The following NLE1 variants were observed in gnomAD, a reference collection of about 807,000 sequenced individuals.
NLE1 encodes notchless homolog 1.
Under a neutral mutation model 62.8 loss-of-function variants are expected in NLE1, and 37 were observed. The ratio of observed to expected loss-of-function variants is 0.59; its 90% CI spans 0.45 to 0.78. The LOEUF is 0.78. NLE1 is among the 30% of genes least tolerant of loss of function. NLE1 has a pLI of 0.00. For missense variants in NLE1, 555 were observed against 637.9 expected (o/e 0.87, Z 1.40); for synonymous variants, 243 against 253.0 (o/e 0.96, Z 0.37).
chr17:35,129,699 G>A lies in NLE1; in HGVS notation c.*2738C>T, dbSNP rs1226397320. The A allele has an allele frequency of 3.1e-6, 5 of 1,598,172 alleles. No homozygotes were observed. In the South Asian group the frequency reaches 5.6e-5, roughly 18 times the overall value. On this transcript the variant is annotated 3_prime_UTR_variant, in exon 13 of 13. Transcript: ENST00000442241. ...AGAGGGGCCTTGGGGGTGGAGAGAA[G>A]TCCAAAGCCAGGGAACCAGGGCTTT...
chr17:35,131,711 T>C lies in NLE1; in HGVS notation c.*726A>G, dbSNP rs977537951. The C allele has an allele frequency of 1.3e-5, 2 of 152,464 alleles. No homozygotes were observed. Among genetic ancestry groups the C allele is most frequent in the Admixed American group, 6.5e-5 (1 of 15,280 alleles). 9.4% of individuals were successfully genotyped at this position (152,464 alleles called of 1,614,324 possible). On this transcript the variant is annotated 3_prime_UTR_variant, in exon 13 of 13. Transcript: ENST00000442241. ...GCTATGCGAAGGCAGAGGCATCCCC[T>C]GGAGCAGGGCTGACCAGCAGAACTC...
Position 35,137,061 on chromosome 17 carries a change from C to G in NLE1, c.768G>C (p.Gly256=), listed in dbSNP as rs2091913378. The G allele has an allele frequency of 1.2e-6, 2 of 1,613,952 alleles. No individual in the cohort carries two copies. Among genetic ancestry groups the G allele is most frequent in the Non-Finnish European group, 1.7e-6 (2 of 1,179,930 alleles). Residue 256 remains glycine, a synonymous_variant, in exon 7 of 13, where the codon GGG becomes GGC. Transcript: ENST00000442241. ...GGGAGGCAGAGTAGAGAAGCCCGTC[C>G]CCTCCCCACCGGAGACAGGTGACCG... The part of the protein sequence containing the change: ...TQSVTCLRWG[G]DGLLYSASQD...
intron 10 of NLE1, among the ~76,000 whole-genome samples, chr17:35,134,610 G>A (rs1018402210): frequency 5.0e-4 from 76 of 152,242 alleles, no homozygotes; most frequent in African/African-American, 1.6e-3. Flanking sequence ...ATGTTGGCCA[G>A]GCTAGTCTCG....
chr17:35,128,998 T>G lies in NLE1; in HGVS notation c.*3439A>C, dbSNP rs965720446. ...GGTTCACGTGCCTATGGGAATCTAA[T>G]GCCTCTGCTGATCTGACAGGAGGCA... On this transcript the variant is annotated 3_prime_UTR_variant, in exon 13 of 13. Coordinates refer to ENST00000442241, the MANE Select transcript of NLE1 (RefSeq NM_018096.5). 5.6e-6 allele frequency: 1 copy of G among 180,026 alleles called. No homozygotes were observed. Among genetic ancestry groups the G allele is most frequent in the South Asian group, 1.3e-4 (1 of 7,640 alleles). 11.2% of individuals were successfully genotyped at this position (180,026 alleles called of 1,614,324 possible).
At position 35,142,259 on chromosome 17, in the gene NLE1, G is replaced by A. The variant is rs747455206; in HGVS notation, c.17C>T (p.Pro6Leu). 6.5e-6 allele frequency: 10 copies of A among 1,547,160 alleles called. No individual in the cohort carries two copies. The highest frequency in any genetic ancestry group is 1.2e-5 in the South Asian group (1 of 84,680). The stretch of plus-strand genomic sequence containing the variant: ...CCGCCCCCATCCACGCACACCCACC[G>A]GCACTGCTGCCGCCATCCTGCGTCC... The part of the protein sequence containing the change: MAAAV[P>L]DEAVARDVQR... Residue 6 changes from proline (P) to leucine (L), a missense_variant and splice_region_variant, in exon 1 of 13, where the codon CCG becomes CTG. Transcript: ENST00000442241.
In NLE1 at chr17:35,132,429, G is replaced by C. The variant is rs373563790; in HGVS notation, c.*8C>G. On this transcript the variant is annotated 3_prime_UTR_variant, in exon 13 of 13. Coordinates refer to ENST00000442241, the MANE Select transcript of NLE1 (RefSeq NM_018096.5). ...CGAGGTGGGGGTCAGAGAGAACTTC[G>C]GGCCGTCTCATCTCCTCCATCTGTG... is the stretch of plus-strand genomic sequence containing the variant. The C allele has an allele frequency of 7.0e-7, 1 of 1,435,832 alleles. No homozygotes were observed. Among genetic ancestry groups the C allele is most frequent in the South Asian group, 1.6e-5 (1 of 61,850 alleles). The allele number at this position is 1,435,832 out of a possible 1,614,324, so 88.9% of individuals were successfully genotyped here.
intron 6 of NLE1, 74 bp downstream of exon 6, chr17:35,137,469 T>C: frequency 7.9e-7 from 1 of 1,257,898 alleles, no homozygotes. Context: ...GTAAAACTTC[T>C]ATGCATTGGG....
At chr17:35,134,307 A>G (rs2142501773) in intron 10 of NLE1, among the ~76,000 whole-genome samples, 1 of 152,266 alleles carries the variant, frequency 6.6e-6, no homozygotes, top group African/African-American at 2.4e-5. Context: ...ATTGTACCAC[A>G]AGCCTACCTA....
chr17:35,136,531 C>T, intron 7 of NLE1, 34 bp from the exon 8 acceptor site: 15 of 1,590,770 alleles, frequency 9.4e-6, no homozygotes, highest in Non-Finnish European at 1.3e-5. Flanking sequence ...GACACACACA[C>T]TCCTCCCCAC....
Position 35,132,400 on chromosome 17 carries a change from G to T in NLE1, c.*37C>A, listed in dbSNP as rs76233678. ...GCAGGGAAGGCAGCTGGCAGAGGCC[G>T]AGTCGAGGTGGGGGTCAGAGAGAAC... On this transcript the variant is annotated 3_prime_UTR_variant, in exon 13 of 13. Transcript: ENST00000442241. The T allele has an allele frequency of 6.9e-7, 1 of 1,441,172 alleles. No individual in the cohort carries two copies. 89.3% of individuals were successfully genotyped at this position (1,441,172 alleles called of 1,614,324 possible).
Position 35,132,057 on chromosome 17 carries a change from A to G in NLE1, c.*380T>C. On this transcript the variant is annotated 3_prime_UTR_variant, in exon 13 of 13. Coordinates refer to ENST00000442241, the MANE Select transcript of NLE1 (RefSeq NM_018096.5). Reference sequence around the variant, plus strand: ...ATTCTAGGACAAGGAATTAGAACCCAACACACAAAACTTAAGTTACTTATT... The same window carrying G: ...ATTCTAGGACAAGGAATTAGAACCCGACACACAAAACTTAAGTTACTTATT... The G allele has an allele frequency of 5.9e-6, 1 of 170,108 alleles. No homozygotes were observed. The highest frequency in any genetic ancestry group is 1.2e-5 in the Non-Finnish European group (1 of 80,134). The allele number at this position is 170,108 out of a possible 1,614,324, so 10.5% of individuals were successfully genotyped here.
Position 35,130,075 on chromosome 17 carries a change from G to A in NLE1, c.*2362C>T. The A allele has an allele frequency of 7.0e-7, 1 of 1,419,242 alleles. No homozygotes were observed. Among genetic ancestry groups the A allele is most frequent in the Non-Finnish European group, 9.2e-7 (1 of 1,091,854 alleles). 87.9% of individuals were successfully genotyped at this position (1,419,242 alleles called of 1,614,324 possible). A position where few individuals can be genotyped will look rare whatever the true frequency, so the allele number is the denominator to read the frequency against. On this transcript the variant is annotated 3_prime_UTR_variant, in exon 13 of 13. Coordinates refer to ENST00000442241, the MANE Select transcript of NLE1 (RefSeq NM_018096.5). ...GGGTATAGAGGCCTGAGTACAGACA[G>A]CCCTTTGGTTGGAAATATCCCATAA...
rs141669771 is a variant in NLE1, at chr17:35,133,685, C to T, written c.1215-187G>A. ...CATTTTTAATCATTACCAGTCATTA[C>T]AATTTGTAAAACTTCTCCAAATGAG... On this transcript the variant is annotated intron_variant, in intron 10 of 12. Transcript: ENST00000442241. Among the ~76,000 whole-genome samples the T allele has an allele frequency of 7.9e-5, 12 of 150,958 alleles. No homozygotes were observed. The East Asian group carries it at 1.8e-3, about 22-fold the overall frequency.
In NLE1 at chr17:35,131,702, G is replaced by A. The variant is rs1309554279; in HGVS notation, c.*735C>T. On this transcript the variant is annotated 3_prime_UTR_variant, in exon 13 of 13. Coordinates refer to ENST00000442241, the MANE Select transcript of NLE1 (RefSeq NM_018096.5). Reference sequence around the variant, plus strand: ...AAGCAGTGTGCTATGCGAAGGCAGAGGCATCCCCTGGAGCAGGGCTGACCA... The same window carrying A: ...AAGCAGTGTGCTATGCGAAGGCAGAAGCATCCCCTGGAGCAGGGCTGACCA... 1 of 152,460 alleles carries A rather than the reference G, an allele frequency of 6.6e-6. No individual in the cohort carries two copies. Among genetic ancestry groups the A allele is most frequent in the African/African-American group, 2.4e-5 (1 of 41,484 alleles). 9.4% of individuals were successfully genotyped at this position (152,460 alleles called of 1,614,324 possible). A position where few individuals can be genotyped will look rare whatever the true frequency, so the allele number is the denominator to read the frequency against.
At position 35,130,679 on chromosome 17, in the gene NLE1, C is replaced by A. The variant is rs1243633863; in HGVS notation, c.*1758G>T. On this transcript the variant is annotated 3_prime_UTR_variant, in exon 13 of 13. Transcript: ENST00000442241. ...CACAGCTGCTAGACTCCCTCCTCCT[C>A]CAAATCTGGGCTGGGTCTAGGTCCC... 3 of 515,960 alleles carry A rather than the reference C, an allele frequency of 5.8e-6. No individual in the cohort carries two copies. Among genetic ancestry groups the A allele is most frequent in the Non-Finnish European group, 6.9e-6 (2 of 288,870 alleles). The allele number at this position is 515,960 out of a possible 1,614,324, so 32.0% of individuals were successfully genotyped here. A position where few individuals can be genotyped will look rare whatever the true frequency, so the allele number is the denominator to read the frequency against.
intron 10 of NLE1, 32 bp from the exon 11 acceptor site, chr17:35,133,530 G>C: frequency 6.3e-7 from 1 of 1,582,722 alleles, no homozygotes; most frequent in Non-Finnish European, 8.6e-7. Context: ...ATGGATTTTA[G>C]TCTGAGTTAC....
In NLE1 at chr17:35,130,207, G is replaced by T. The variant is rs1013268858; in HGVS notation, c.*2230C>A. On this transcript the variant is annotated 3_prime_UTR_variant, in exon 13 of 13. Transcript: ENST00000442241. ...CTGAGTCAGCAGACAGAAAAAAAAG[G>T]GGTGATAGAGACAGAGAGAGAGCCA... 1.3e-6 allele frequency: 2 copies of T among 1,552,814 alleles called. No individual in the cohort carries two copies. The highest frequency in any genetic ancestry group is 1.2e-5 in the South Asian group (1 of 81,076).
chr17:35,135,775 T>C (rs2091904952), intron 9 of NLE1, among the ~76,000 whole-genome samples: 1 of 152,224 alleles, frequency 6.6e-6, no homozygotes, highest in Non-Finnish European at 1.5e-5. Context: ...ATATATACTG[T>C]ATATAGACAC....
chr17:35,129,306 G>C lies in NLE1; in HGVS notation c.*3131C>G. 7.4e-7 allele frequency: 1 copy of C among 1,344,854 alleles called. No individual in the cohort carries two copies. Among genetic ancestry groups the C allele is most frequent in the Non-Finnish European group, 1.0e-6 (1 of 972,254 alleles). 83.3% of individuals were successfully genotyped at this position (1,344,854 alleles called of 1,614,324 possible). On this transcript the variant is annotated 3_prime_UTR_variant, in exon 13 of 13. Coordinates refer to ENST00000442241, the MANE Select transcript of NLE1 (RefSeq NM_018096.5). ...CTTGCACCTTCCATCTGACCTGCCTGGGCCCCAGCAGGAGCAGGGGATGGG... is the reference window on the plus strand; with the variant it reads ...CTTGCACCTTCCATCTGACCTGCCTCGGCCCCAGCAGGAGCAGGGGATGGG...
Sources: gnomAD v4.1 joint callset for allele counts (sites outside exome capture counted in the v4.1 genomes callset) on GRCh38, gnomAD v4.1.1 for gene constraint, MANE v1.5 for transcripts, NCBI Gene and HGNC (gene_info 2026-07-23, HGNC 2026-07-21) for gene names.